Variants in CLOCK observed in about 807,000 individuals in gnomAD.
CLOCK encodes the protein circadian locomoter output cycles protein kaput.
CLOCK carries 43 observed loss-of-function variants against 118.4 expected under a neutral mutation model. The ratio of observed to expected loss-of-function variants is 0.36; its 90% confidence interval spans 0.28 to 0.47. The LOEUF is 0.47. Ranked by LOEUF, CLOCK falls within the 20% of genes least tolerant of loss-of-function variation. CLOCK has a pLI of 1.00. For synonymous variants in CLOCK, 326 were observed against 339.2 expected, an observed-to-expected ratio of 0.96 and a Z score of 0.43; for missense variants, 846 against 999.9, an observed-to-expected ratio of 0.85 and a Z score of 2.08.
At chr4:55,539,544 G>C (rs1478177190) in intron 1 of CLOCK, among the ~76,000 whole-genome samples, 1 of 116,756 alleles carries the variant, frequency 8.6e-6, no homozygotes, top group Admixed American at 1.2e-4. Context: ...CTACACTCCA[G>C]CCTGGGTGCC....
intron 7 of CLOCK, among the ~76,000 whole-genome samples, chr4:55,474,813 C>A (rs552502065): frequency 2.4e-4 from 37 of 152,326 alleles, no homozygotes; most frequent in African/African-American, 7.9e-4. Flanking sequence ...TTGAGACCTA[C>A]TGGTCAGAAA....
Position 55,531,138 on chromosome 4 carries a change from C to T in CLOCK, c.-290+15644G>A, listed in dbSNP as rs982568349. 7.2e-5 allele frequency among the ~76,000 whole-genome samples: 11 copies of T among 151,844 alleles called. No individual in the cohort carries two copies. In the South Asian group the frequency reaches 1.3e-3, roughly 17 times the overall value. ...TCATCTAGAATATAAAGCAATCTAG[C>T]GGCATGATTTCGAAAAAATGATGAA... On this transcript the variant is annotated intron_variant, in intron 1 of 22. Transcript: ENST00000513440.
In CLOCK at chr4:55,463,934, T is replaced by G. The variant is rs550171065; in HGVS notation, c.439-129A>C. Reference sequence around the variant, plus strand: ...TCTGTGAAAACCAACAAATGTCAAGTTATAGACCAAATCTCAAAAAATAAG... The same window carrying G: ...TCTGTGAAAACCAACAAATGTCAAGGTATAGACCAAATCTCAAAAAATAAG... On this transcript the variant is annotated intron_variant, in intron 8 of 22. Transcript: ENST00000513440. 6.6e-6 allele frequency: 6 copies of G among 908,468 alleles called. No homozygotes were observed. In the South Asian group the frequency reaches 1.1e-4, roughly 16 times the overall value. 56.3% of individuals were successfully genotyped at this position (908,468 alleles called of 1,614,324 possible).
At chr4:55,446,791 A>T (rs1244516335) in intron 18 of CLOCK, among the ~76,000 whole-genome samples, 2 of 152,188 alleles carry the variant, frequency 1.3e-5, no homozygotes, top group African/African-American at 4.8e-5. Flanking sequence ...GAGCAGAAAG[A>T]GTTTCACTTT....
chr4:55,537,173 A>G (rs1411662154), intron 1 of CLOCK, among the ~76,000 whole-genome samples: 1 of 152,224 alleles, frequency 6.6e-6, no homozygotes, highest in African/African-American at 2.4e-5. Context: ...AATGGAATGA[A>G]AATGGAAACA....
chr4:55,480,665 C>T (rs559106567), intron 4 of CLOCK, among the ~76,000 whole-genome samples: 9 of 152,158 alleles, frequency 5.9e-5, no homozygotes, highest in Admixed American at 3.9e-4. Context: ...CCGAGGCGGG[C>T]GGATCACGAG....
Position 55,486,724 on chromosome 4 carries a change from G to C in CLOCK, c.-44+2650C>G, listed in dbSNP as rs74981149. On this transcript the variant is annotated intron_variant, in intron 3 of 22. Transcript: ENST00000513440. ...CTAGCTTCCAGTGTGGTGTCAAGAA[G>C]TGCAAAGCCATTCTGATTACTGATC... Among the ~76,000 whole-genome samples, 994 of 152,282 alleles carry C rather than the reference G, an allele frequency of 6.5e-3. 9 individuals are homozygous for C. Among genetic ancestry groups the C allele is most frequent in the African/African-American group, 0.023 (944 of 41,554 alleles).
intron 1 of CLOCK, chr4:55,540,373 C>T (rs4267787): frequency 0.98 from 138,336 of 140,496 alleles, 68,098 homozygotes; most frequent in East Asian, 1. Context: ...TAATTGGGGG[C>T]AAGAGAGGAG....
At chr4:55,542,376 ATAATATTAT>A (rs1370487214) in intron 1 of CLOCK, among the ~76,000 whole-genome samples, 2,017 of 51,506 alleles carry the variant, frequency 0.039, 41 homozygotes, top group African/African-American at 0.16. Flanking sequence ...AATAATAATA[ATAATATTAT>A]TATTATTATT....
At position 55,463,728 on chromosome 4, in the gene CLOCK, A is replaced by G; in HGVS notation, c.516T>C (p.Thr172=). Residue 172 remains threonine (T), a synonymous_variant, in exon 9 of 23, where the codon ACT becomes ACC. Coordinates refer to ENST00000513440, the MANE Select transcript of CLOCK (RefSeq NM_004898.4). ...TTAATGAATCACTTTCCAGCAGATG[A>G]GTAGAGAGTATTTTATAAACCTCTG... The part of the protein sequence containing the change: ...EHSEVYKILS[T]HLLESDSLTP... The G allele has an allele frequency of 6.2e-7, 1 of 1,612,888 alleles. No homozygotes were observed. The highest frequency in any genetic ancestry group is 8.5e-7 in the Non-Finnish European group (1 of 1,179,152).
Position 55,524,765 on chromosome 4 carries a change from T to C in CLOCK, c.-289-14700A>G, listed in dbSNP as rs557460477. Among the ~76,000 whole-genome samples, 7 of 152,318 alleles carry C rather than the reference T, an allele frequency of 4.6e-5. No homozygotes were observed. In the South Asian group the frequency reaches 1.5e-3, roughly 32 times the overall value. ...TTTATGTGCTGGTTTGTCAAAGAGA[T>C]GTGAAACATCTTTCTGTAATTTTTC... On this transcript the variant is annotated intron_variant, in intron 1 of 22. Transcript: ENST00000513440.
Position 55,432,701 on chromosome 4 carries a change from G to A in CLOCK, c.*2714C>T, listed in dbSNP as rs1439076470. 6.6e-6 allele frequency: 1 copy of A among 152,026 alleles called. No individual in the cohort carries two copies. Among genetic ancestry groups the A allele is most frequent in the East Asian group, 1.9e-4 (1 of 5,180 alleles). The allele number at this position is 152,026 out of a possible 1,614,324, so 9.4% of individuals were successfully genotyped here. A position where few individuals can be genotyped will look rare whatever the true frequency, so the allele number is the denominator to read the frequency against. On this transcript the variant is annotated 3_prime_UTR_variant, in exon 23 of 23. Coordinates refer to ENST00000513440, the MANE Select transcript of CLOCK (RefSeq NM_004898.4). ...AAACAAAGCAGCAAAGAGGCAGCTG[G>A]TGCTTACTACCTCTTCCACTACTAC...
intron 21 of CLOCK, among the ~76,000 whole-genome samples, chr4:55,442,093 C>G (rs564650805): frequency 6.6e-6 from 1 of 152,238 alleles, no homozygotes; most frequent in African/African-American, 2.4e-5. Context: ...ACCACTGTTA[C>G]TACATGGAAA....
intron 21 of CLOCK, among the ~76,000 whole-genome samples, chr4:55,441,723 G>A (rs1723384654): frequency 1.3e-5 from 2 of 152,180 alleles, no homozygotes; most frequent in Non-Finnish European, 2.9e-5. Context: ...AGACTTTGGA[G>A]GAGGATGGTG....
intron 1 of CLOCK, among the ~76,000 whole-genome samples, chr4:55,530,735 C>G (rs1409964699): frequency 1.6e-5 from 2 of 125,706 alleles, no homozygotes. Context: ...AGATTGTGCC[C>G]CTGCACTCCA....
intron 19 of CLOCK, 63 bp from the exon 20 acceptor site, chr4:55,443,959 AAAG>A: frequency 6.9e-7 from 1 of 1,439,646 alleles, no homozygotes; most frequent in Non-Finnish European, 9.6e-7. Flanking sequence ...TGAGCATTAA[AAAG>A]AAGGCAAAAT....
chr4:55,444,511 T>C lies in CLOCK; in HGVS notation c.1692+122A>G, dbSNP rs1723631864. The C allele has an allele frequency of 2.6e-6, 3 of 1,175,876 alleles. No individual in the cohort carries two copies. The South Asian group carries it at 3.7e-5, about 15-fold the overall frequency. The allele number at this position is 1,175,876 out of a possible 1,614,324, so 72.8% of individuals were successfully genotyped here. A position where few individuals can be genotyped will look rare whatever the true frequency, so the allele number is the denominator to read the frequency against. On this transcript the variant is annotated intron_variant, in intron 19 of 22. Transcript: ENST00000513440. ...TACTGAGTAGGTAACCAGTGAATAT[T>C]TATTGAACTGAATTGATAAAACGTA...
At chr4:55,447,355 C>T (rs1357248111) in intron 18 of CLOCK, among the ~76,000 whole-genome samples, 3 of 139,258 alleles carry the variant, frequency 2.2e-5, no homozygotes, top group Admixed American at 1.5e-4. Flanking sequence ...CAGGGTGAGG[C>T]GTCGTCTCAA....
intron 2 of CLOCK, among the ~76,000 whole-genome samples, chr4:55,489,831 CTG>C (rs1275566188): frequency 6.6e-6 from 1 of 152,052 alleles, no homozygotes; most frequent in Non-Finnish European, 1.5e-5. Flanking sequence ...TTAAGACAGA[CTG>C]TTTTAACTAT....
Sources: allele counts gnomAD v4.1 joint callset (sites outside exome capture counted in the v4.1 genomes callset), GRCh38; gene constraint gnomAD v4.1.1; transcripts MANE v1.5; gene names NCBI Gene and HGNC (gene_info 2026-07-23, HGNC 2026-07-21).